Variants in ZNF675 observed in about 807,000 individuals in gnomAD.
The protein encoded by ZNF675 is TRAF6 inhibitory zinc finger.
In ZNF675, 36 loss-of-function variants were observed where a neutral mutation model predicts 56.1. The ratio of observed to expected loss-of-function variants is 0.64; its 90% CI spans 0.49 to 0.85. The LOEUF (loss-of-function observed/expected upper bound fraction) is 0.85, where lower values mean the gene tolerates loss of function less well. ZNF675 is among the 40% of genes least tolerant of loss of function. ZNF675 has a pLI of 0.00. For synonymous variants in ZNF675, 200 were observed against 218.9 expected, an observed-to-expected ratio of 0.91 and a Z score of 0.76; for missense variants, 663 against 654.2, an observed-to-expected ratio of 1.01 and a Z score of -0.15.
At chr19:23,684,261 C>CA (rs60512603) in intron 1 of ZNF675, among the ~76,000 whole-genome samples, 40 of 112,724 alleles carry the variant, frequency 3.5e-4, no homozygotes, top group African/African-American at 1.2e-3. Flanking sequence ...GACTCCGTCT[C>CA]AAAAAAAAAA....
Position 23,687,126 on chromosome 19 carries a change from A to T in ZNF675, c.-93T>A. 3 of 1,512,642 alleles carry T rather than the reference A, an allele frequency of 2.0e-6. No homozygotes were observed. In the South Asian group the frequency reaches 3.4e-5, roughly 17 times the overall value. The allele number at this position is 1,512,642 out of a possible 1,614,324, so 93.7% of individuals were successfully genotyped here. ...ACAGAGGCTGGACCTCTAGGAGCAG[A>T]GGACACAGAGCAATGAAAGCGAGAC... On this transcript the variant is annotated 5_prime_UTR_variant, in exon 1 of 4. Transcript: ENST00000359788.
chr19:23,662,123 C>T lies in ZNF675; in HGVS notation c.217G>A (p.Glu73Lys). 1 of 1,612,870 alleles carries T rather than the reference C, an allele frequency of 6.2e-7. No homozygotes were observed. The highest frequency in any genetic ancestry group is 8.5e-7 in the Non-Finnish European group (1 of 1,179,050). ...LTVKRHEMVN[E>K]PPVMCSHFAQ... ...TTTCATTCTCACTTACCTGGGGGTTCATTCACCATCTCATGTCTCTTCACA... is the reference window on the plus strand; with the variant it reads ...TTTCATTCTCACTTACCTGGGGGTTTATTCACCATCTCATGTCTCTTCACA... Residue 73 changes from glutamate to lysine, a missense_variant, in exon 3 of 4, where the codon GAA becomes AAA. Glu to Lys is a moderately conservative substitution (Grantham distance 56). Around this residue, in one of 3 missense-constraint regions of ZNF675, gnomAD observed 617 missense variants for 590.5 expected, o/e 1.04. Transcript: ENST00000359788.
At chr19:23,679,616 T>C (rs1307620806) in intron 1 of ZNF675, among the ~76,000 whole-genome samples, 1 of 151,452 alleles carries the variant, frequency 6.6e-6, no homozygotes, top group East Asian at 1.9e-4. Context: ...AAACTATGCT[T>C]TTGACAAAGG....
intron 1 of ZNF675, among the ~76,000 whole-genome samples, chr19:23,667,125 G>A (rs1211988238): frequency 6.6e-6 from 1 of 151,978 alleles, no homozygotes; most frequent in Non-Finnish European, 1.5e-5. Flanking sequence ...TGGTCTCGCT[G>A]GCTCAGGAGT....
chr19:23,656,615 TACACACACACACACACACACAC>T (rs1555706063), intron 3 of ZNF675: 2 of 137,512 alleles, frequency 1.5e-5, no homozygotes, highest in African/African-American at 2.7e-5. Context: ...AAAAAAGGTA[TACACACACACACACACACACAC>T]ACACACACAC....
rs567948614 is a variant in ZNF675 at position 23,669,356 on chromosome 19, C to A, written c.4-6198G>T. ...GGTGACTTAAACCTTCTTTTCTTTT[C>A]TTATGCTAAATTCTTCCCTTCCCCC... On this transcript the variant is annotated intron_variant, in intron 1 of 3. Coordinates refer to ENST00000359788, the MANE Select transcript of ZNF675 (RefSeq NM_138330.3). Among the ~76,000 whole-genome samples the A allele has an allele frequency of 5.9e-4, 90 of 152,206 alleles. 1 individual carries two copies. Among genetic ancestry groups the A allele is most frequent in the Admixed American group, 1.0e-3 (16 of 15,282 alleles).
In ZNF675 at chr19:23,677,565, G is replaced by A. The variant is rs994598192; in HGVS notation, c.3+9466C>T. 1.3e-4 allele frequency among the ~76,000 whole-genome samples: 19 copies of A among 151,266 alleles called. 1 individual carries two copies. Among genetic ancestry groups the A allele is most frequent in the African/African-American group, 4.7e-4 (19 of 40,836 alleles). On this transcript the variant is annotated intron_variant, in intron 1 of 3. Coordinates refer to ENST00000359788, the MANE Select transcript of ZNF675 (RefSeq NM_138330.3). ...TACTAAAAATACAAAAATTAGCCAGGTGTGGTGGTGCATGCCTGTAATCCC... is the reference window on the plus strand; with the variant it reads ...TACTAAAAATACAAAAATTAGCCAGATGTGGTGGTGCATGCCTGTAATCCC...
intron 3 of ZNF675, chr19:23,656,542 A>T (rs1967984840): frequency 6.6e-6 from 1 of 152,044 alleles, no homozygotes; most frequent in Non-Finnish European, 1.5e-5. Flanking sequence ...GGTTGCAGTG[A>T]GCTGAGATAG....
chr19:23,663,244 G>A, intron 1 of ZNF675, 86 bp from the exon 2 acceptor site: 1 of 1,488,202 alleles, frequency 6.7e-7, no homozygotes, highest in Non-Finnish European at 9.1e-7. Context: ...AGACTAAAGA[G>A]AACAGGTTCT....
intron 1 of ZNF675, among the ~76,000 whole-genome samples, chr19:23,668,998 G>A (rs909882251): frequency 6.6e-6 from 1 of 152,238 alleles, no homozygotes; most frequent in Non-Finnish European, 1.5e-5. Flanking sequence ...GGGCTGAAGG[G>A]CTCCTCAAGT....
intron 1 of ZNF675, among the ~76,000 whole-genome samples, chr19:23,684,611 T>G (rs968276659): frequency 4.0e-5 from 6 of 151,850 alleles, no homozygotes; most frequent in Non-Finnish European, 8.8e-5. Flanking sequence ...ACCATTGAAC[T>G]CCAGCCTGGG....
rs1249427870 is a variant in ZNF675 at position 23,653,218 on chromosome 19, AATC to A, written c.*5_*7del. On this transcript the variant is annotated 3_prime_UTR_variant, in exon 4 of 4. Transcript: ENST00000359788. ...TTAGAAAAATTTGAGGTGTTGTCAAAATCATTATCACACATTCCAGTTCTGTAG... is the reference window on the plus strand; with the variant it reads ...TTAGAAAAATTTGAGGTGTTGTCAAAATTATCACACATTCCAGTTCTGTAG... The A allele has an allele frequency of 1.3e-6, 2 of 1,552,670 alleles. No homozygotes were observed. The highest frequency in any genetic ancestry group is 1.7e-4 in the Middle Eastern group (1 of 5,782).
intron 1 of ZNF675, among the ~76,000 whole-genome samples, chr19:23,679,996 C>CA (rs1968355464): frequency 1.6e-4 from 23 of 145,624 alleles, no homozygotes; most frequent in Non-Finnish European, 2.9e-4. Flanking sequence ...GTACCCCCCC[C>CA]CAAAAAAAAA....
chr19:23,664,722 G>T (rs573019161), intron 1 of ZNF675, among the ~76,000 whole-genome samples: 1 of 152,234 alleles, frequency 6.6e-6, no homozygotes, highest in East Asian at 1.9e-4. Flanking sequence ...AGGCCAAAGT[G>T]GGCAGATCAC....
chr19:23,679,011 C>CA (rs1968339185), intron 1 of ZNF675, among the ~76,000 whole-genome samples: 2 of 150,846 alleles, frequency 1.3e-5, no homozygotes, highest in Admixed American at 6.6e-5. Context: ...CTAAAAAATA[C>CA]AAAAAATTAG....
chr19:23,674,537 G>T (rs1474898470), intron 1 of ZNF675, among the ~76,000 whole-genome samples: 1 of 151,326 alleles, frequency 6.6e-6, no homozygotes, highest in African/African-American at 2.5e-5. Context: ...CAGCTACTCG[G>T]GAGGCTGAGG....
intron 3 of ZNF675, chr19:23,656,804 C>T: frequency 6.6e-6 from 1 of 151,320 alleles, no homozygotes; most frequent in East Asian, 2.0e-4. Flanking sequence ...ATAGAAAGTG[C>T]AAGGGTGTTT....
intron 1 of ZNF675, among the ~76,000 whole-genome samples, chr19:23,663,409 A>T (rs1183155512): frequency 6.6e-6 from 1 of 152,096 alleles, no homozygotes; most frequent in African/African-American, 2.4e-5. Flanking sequence ...CATATATAAT[A>T]GGTCAGGCAC....
chr19:23,674,539 AG>A, intron 1 of ZNF675, among the ~76,000 whole-genome samples: 1 of 150,594 alleles, frequency 6.6e-6, no homozygotes, highest in East Asian at 2.0e-4. Flanking sequence ...GCTACTCGGG[AG>A]GCTGAGGCAG....
Sources: allele counts gnomAD v4.1 joint callset (sites outside exome capture counted in the v4.1 genomes callset), GRCh38; gene constraint gnomAD v4.1.1; regional missense constraint gnomAD v4.1.1; transcripts MANE v1.5; gene names NCBI Gene and HGNC (gene_info 2026-07-23, HGNC 2026-07-21).